FRK: variants seen among roughly 807,000 people sequenced by gnomAD.
FRK encodes the protein tyrosine-protein kinase FRK.
A neutral mutation model predicts 56.4 loss-of-function variants in FRK; 51 were observed. The ratio of observed to expected loss-of-function variants is 0.90; its 90% confidence interval spans 0.72 to 1.14. The LOEUF (loss-of-function observed/expected upper bound fraction) is 1.14. FRK is among the 50% of genes most tolerant of loss of function. The pLI, the probability that FRK is intolerant of heterozygous loss-of-function variation, is 0.00. For missense variants in FRK, 570 were observed against 601.4 expected (o/e 0.95, Z 0.55); for synonymous variants, 245 against 217.9 (o/e 1.12, Z -1.10).
At chr6:116,006,513 T>C (rs1187347212) in intron 1 of FRK, among the ~76,000 whole-genome samples, 1 of 152,234 alleles carries the variant, frequency 6.6e-6, no homozygotes, top group Non-Finnish European at 1.5e-5. Context: ...ATTTCACTTC[T>C]AGACTACATG....
the FRK span, among the ~76,000 whole-genome samples, chr6:116,071,767 T>C: frequency 1.3e-5 from 2 of 152,168 alleles, no homozygotes; most frequent in Non-Finnish European, 2.9e-5. Context: ...ACTAGGCTAG[T>C]GCTTGGGGAT....
rs554768891 is a variant in FRK, at chr6:116,028,841, C to A, written c.345-24843G>T. Among the ~76,000 whole-genome samples, 3 of 152,216 alleles carry A rather than the reference C, an allele frequency of 2.0e-5. No individual in the cohort carries two copies. The South Asian group carries it at 6.2e-4, about 32-fold the overall frequency. ...CACATAAAGACTTTGGGGGGACATA[C>A]TTCAACTCATATCATTCAGTAATTC... On this transcript the variant is annotated intron_variant, in intron 1 of 7. Transcript: ENST00000606080.
the FRK span, among the ~76,000 whole-genome samples, chr6:116,082,927 G>A: frequency 6.6e-6 from 1 of 151,974 alleles, no homozygotes; most frequent in East Asian, 1.9e-4. Flanking sequence ...GGGAGGGAAA[G>A]GAACAGAGAT....
intron 4 of FRK, among the ~76,000 whole-genome samples, chr6:115,958,693 AAAGAAAGAAAG>A (rs1562257309): frequency 0.016 from 78 of 5,012 alleles, 18 homozygotes; most frequent in Non-Finnish European, 0.02. Context: ...AGAAAGAAAG[AAAGAAAGAAAG>A]AAGAAAGAAA....
chr6:116,001,302 C>A (rs1775057906), intron 2 of FRK, among the ~76,000 whole-genome samples: 1 of 151,416 alleles, frequency 6.6e-6, no homozygotes, highest in African/African-American at 2.4e-5. Context: ...TGCATACATG[C>A]ATGCACACAC....
At chr6:116,097,608 T>C in the FRK span, among the ~76,000 whole-genome samples, 1 of 152,214 alleles carries the variant, frequency 6.6e-6, no homozygotes, top group East Asian at 1.9e-4. Context: ...TTAAAATTGC[T>C]AAATTATAGT....
upstream of FRK, among the ~76,000 whole-genome samples, chr6:116,065,320 A>G (rs560441393): frequency 6.6e-5 from 10 of 152,248 alleles, no homozygotes; most frequent in East Asian, 1.9e-4. Flanking sequence ...TGTCTCCCCA[A>G]CTCACACAGT....
At chr6:116,037,510 T>A (rs1439735749) in intron 1 of FRK, among the ~76,000 whole-genome samples, 1 of 152,172 alleles carries the variant, frequency 6.6e-6, no homozygotes, top group Non-Finnish European at 1.5e-5. Context: ...TAAAATAATA[T>A]AAGCACAGAA....
chr6:116,025,047 G>A (rs1024824018), intron 1 of FRK, among the ~76,000 whole-genome samples: 4 of 151,914 alleles, frequency 2.6e-5, no homozygotes, highest in Non-Finnish European at 4.4e-5. Context: ...TGTGTTTTTT[G>A]GCTGCATAAA....
chr6:115,954,578 A>G (rs558346639), intron 5 of FRK, among the ~76,000 whole-genome samples: 1 of 152,330 alleles, frequency 6.6e-6, no homozygotes, highest in East Asian at 1.9e-4. Context: ...TGCTATGGTC[A>G]AAGAAGGAAA....
intron 2 of FRK, among the ~76,000 whole-genome samples, chr6:115,986,577 A>G (rs1451926995): frequency 2.1e-4 from 32 of 152,188 alleles, no homozygotes; most frequent in Admixed American, 2.1e-3. Flanking sequence ...CACTCTATCT[A>G]GCCTTTAATT....
intron 1 of FRK, among the ~76,000 whole-genome samples, chr6:116,051,452 A>G (rs966018305): frequency 6.6e-6 from 1 of 152,212 alleles, no homozygotes; most frequent in African/African-American, 2.4e-5. Flanking sequence ...GAAAGATATT[A>G]CACAAGGGAC....
At chr6:116,066,182 C>T in the FRK span, among the ~76,000 whole-genome samples, 86 of 152,228 alleles carry the variant, frequency 5.6e-4, no homozygotes, top group Non-Finnish European at 9.3e-4. Flanking sequence ...TTAATCTGTT[C>T]GGCATCACCT....
intron 5 of FRK, among the ~76,000 whole-genome samples, chr6:115,950,677 C>T (rs1033518450): frequency 7.2e-5 from 11 of 152,064 alleles, no homozygotes; most frequent in African/African-American, 7.2e-5. Flanking sequence ...GGGTATATAC[C>T]CAAAGGATTA....
the FRK span, among the ~76,000 whole-genome samples, chr6:116,066,421 T>TTA: frequency 0.069 from 10,446 of 151,118 alleles, 583 homozygotes; most frequent in Admixed American, 0.19. Flanking sequence ...AAACTCCCCT[T>TTA]TATATATATA....
In FRK at chr6:115,942,391, T is replaced by C; in HGVS notation, c.*23A>G. 1 of 1,565,942 alleles carries C rather than the reference T, an allele frequency of 6.4e-7. No individual in the cohort carries two copies. Among genetic ancestry groups the C allele is most frequent in the African/African-American group, 1.4e-5 (1 of 73,984 alleles). On this transcript the variant is annotated 3_prime_UTR_variant, in exon 8 of 8. Transcript: ENST00000606080. The stretch of plus-strand genomic sequence containing the variant: ...ATTTGAATTTGTTTTGCTACTTTAT[T>C]ATTTGATATTCTTCTCCAGTGTTCA...
At chr6:115,977,821 T>C (rs1404442802) in intron 2 of FRK, among the ~76,000 whole-genome samples, 3 of 152,290 alleles carry the variant, frequency 2.0e-5, no homozygotes, top group Admixed American at 1.3e-4. Context: ...CAATCCCTTA[T>C]GGGAATAAAC....
In FRK at chr6:115,940,654, CA is replaced by C. The variant is rs1220150964; in HGVS notation, c.*1759del. 6.6e-6 allele frequency: 1 copy of C among 152,110 alleles called. No individual in the cohort carries two copies. The highest frequency in any genetic ancestry group is 2.4e-5 in the African/African-American group (1 of 41,432). The allele number at this position is 152,110 out of a possible 1,614,324, so 9.4% of individuals were successfully genotyped here. A position where few individuals can be genotyped will look rare whatever the true frequency, so the allele number is the denominator to read the frequency against. The stretch of plus-strand genomic sequence containing the variant: ...AAAAGAAAAAAACAAACAACCCCAT[CA>C]AAAAGTGGGCGAAGGATTTGAACAG... On this transcript the variant is annotated 3_prime_UTR_variant, in exon 8 of 8. Transcript: ENST00000606080.
At chr6:115,945,248 A>C (rs1335814842) in intron 5 of FRK, among the ~76,000 whole-genome samples, 1 of 152,168 alleles carries the variant, frequency 6.6e-6, no homozygotes, top group African/African-American at 2.4e-5. Context: ...ATTGCTGGTC[A>C]AATGGTAGGT....
Sources: gnomAD v4.1 joint callset for allele counts (sites outside exome capture counted in the v4.1 genomes callset) on GRCh38, gnomAD v4.1.1 for gene constraint, MANE v1.5 for transcripts, NCBI Gene and HGNC (gene_info 2026-07-23, HGNC 2026-07-21) for gene names.